Variants in BABAM2 observed in about 807,000 individuals in gnomAD.
The protein encoded by BABAM2 is BRISC and BRCA1-A complex member 2.
In BABAM2, 31 loss-of-function variants were observed where a neutral mutation model predicts 54.7. The ratio of observed to expected loss-of-function variants is 0.57; its 90% CI spans 0.43 to 0.77. The LOEUF is 0.77. Ranked by LOEUF, BABAM2 falls within the 30% of genes least tolerant of loss-of-function variation. BABAM2 has a pLI of 0.00. For missense variants in BABAM2, 364 were observed against 455.8 expected (o/e 0.80, Z 1.83); for synonymous variants, 167 against 162.9 (o/e 1.03, Z -0.19).
chr2:28,260,662 C>T (rs1412906568), intron 10 of BABAM2, among the ~76,000 whole-genome samples: 5 of 152,108 alleles, frequency 3.3e-5, no homozygotes, highest in South Asian at 2.1e-4. Flanking sequence ...TTTCCCTGTG[C>T]GTTCTAGAAT....
At chr2:27,990,498 C>T (rs1252380293) in intron 4 of BABAM2, among the ~76,000 whole-genome samples, 2 of 152,166 alleles carry the variant, frequency 1.3e-5, no homozygotes, top group South Asian at 2.1e-4. Context: ...ATACAAATTT[C>T]ATCACCCATG....
At chr2:28,008,232 A>G (rs891276729) in intron 4 of BABAM2, among the ~76,000 whole-genome samples, 8 of 152,180 alleles carry the variant, frequency 5.3e-5, no homozygotes, top group African/African-American at 1.9e-4. Flanking sequence ...TTAATTTTCA[A>G]TGACTGAGAA....
intron 3 of BABAM2, among the ~76,000 whole-genome samples, chr2:27,983,064 A>AT (rs1475106298): frequency 2.6e-5 from 4 of 151,810 alleles, no homozygotes; most frequent in Non-Finnish European, 5.9e-5. Flanking sequence ...TTAATTTTTA[A>AT]TTTTTTTGTG....
intron 6 of BABAM2, among the ~76,000 whole-genome samples, chr2:28,083,622 T>C (rs1478031329): frequency 3.3e-5 from 5 of 152,204 alleles, no homozygotes; most frequent in Non-Finnish European, 7.3e-5. Flanking sequence ...CTCTTATTTT[T>C]ACTGAACCGA....
At chr2:28,024,726 G>A (rs1358434233) in intron 4 of BABAM2, among the ~76,000 whole-genome samples, 4 of 152,024 alleles carry the variant, frequency 2.6e-5, no homozygotes, top group Admixed American at 6.6e-5. Flanking sequence ...AGGCCTAACC[G>A]TCACCATTGT....
chr2:28,231,785 CTTTTTTTTTTTTTTTTTTTTTTTTTTT>C (rs549515372), intron 7 of BABAM2, among the ~76,000 whole-genome samples: 4 of 57,654 alleles, frequency 6.9e-5, no homozygotes, highest in African/African-American at 1.3e-4. Flanking sequence ...AGAGAGATGT[CTTTTTTTTTTTTTTTTTTTTTTTTTTT>C]TTTTTTTTTT....
At chr2:28,255,163 C>T (rs1250557254) in intron 10 of BABAM2, among the ~76,000 whole-genome samples, 1 of 152,146 alleles carries the variant, frequency 6.6e-6, no homozygotes. Flanking sequence ...TTTTTTAGCA[C>T]TTGCTTTGTT....
intron 6 of BABAM2, among the ~76,000 whole-genome samples, chr2:28,063,818 T>G (rs72814407): frequency 1.3e-5 from 2 of 152,152 alleles, no homozygotes; most frequent in African/African-American, 4.8e-5. Context: ...CTGTCACTTA[T>G]GATCAAAAAA....
At chr2:28,252,280 C>T (rs528007595) in intron 10 of BABAM2, among the ~76,000 whole-genome samples, 25 of 151,608 alleles carry the variant, frequency 1.6e-4, no homozygotes, top group African/African-American at 5.1e-4. Flanking sequence ...AATATTGTTC[C>T]GAATGATAAA....
intron 11 of BABAM2, among the ~76,000 whole-genome samples, chr2:28,326,849 A>G (rs1252041949): frequency 6.6e-6 from 1 of 152,158 alleles, no homozygotes; most frequent in Non-Finnish European, 1.5e-5. Context: ...TGTCACAGGA[A>G]CCATCCTAAC....
chr2:27,952,367 G>C (rs1164636405), intron 3 of BABAM2, among the ~76,000 whole-genome samples: 1 of 152,124 alleles, frequency 6.6e-6, no homozygotes, highest in Non-Finnish European at 1.5e-5. Context: ...AGTTATCTTT[G>C]TATTTCAGAG....
At chr2:28,188,400 A>G (rs957040979) in intron 7 of BABAM2, among the ~76,000 whole-genome samples, 1 of 152,206 alleles carries the variant, frequency 6.6e-6, no homozygotes, top group African/African-American at 2.4e-5. Flanking sequence ...GGACTTGAAA[A>G]CAAGTTGGTT....
chr2:28,015,278 AGGTAAATAAAGGTATACAAGG>A (rs1674716529), intron 4 of BABAM2, among the ~76,000 whole-genome samples: 1 of 152,230 alleles, frequency 6.6e-6, no homozygotes, highest in African/African-American at 2.4e-5. Context: ...CTCCTTCCCC[AGGTAAATAAAGGTATACAAGG>A]GGAAAAATTA....
chr2:28,050,543 G>T (rs1166397761), intron 6 of BABAM2, among the ~76,000 whole-genome samples: 2 of 152,146 alleles, frequency 1.3e-5, no homozygotes, highest in Non-Finnish European at 2.9e-5. Flanking sequence ...GCGGTACTGT[G>T]CAGAACACCT....
At chr2:28,032,780 T>C (rs1676394075) in intron 5 of BABAM2, among the ~76,000 whole-genome samples, 1 of 152,154 alleles carries the variant, frequency 6.6e-6, no homozygotes, top group Non-Finnish European at 1.5e-5. Flanking sequence ...CTCGGAGTCA[T>C]TTTTTAAAAG....
chr2:28,296,683 TTTTTATTTATTTA>T, intron 10 of BABAM2, among the ~76,000 whole-genome samples: 1 of 152,220 alleles, frequency 6.6e-6, no homozygotes, highest in East Asian at 1.9e-4. Flanking sequence ...CTAGCATGTA[TTTTTATTTATTTA>T]TTTATTTTTA....
At chr2:28,297,220 CAT>C (rs1220508253) in intron 10 of BABAM2, among the ~76,000 whole-genome samples, 2 of 152,140 alleles carry the variant, frequency 1.3e-5, no homozygotes, top group African/African-American at 2.4e-5. Context: ...CTGACTATGA[CAT>C]GAGCAAGTTA....
chr2:27,937,500 T>C (rs908961474), intron 3 of BABAM2, among the ~76,000 whole-genome samples: 5 of 152,234 alleles, frequency 3.3e-5, no homozygotes, highest in African/African-American at 1.2e-4. Context: ...GAGCTGACTG[T>C]AGCCATTGTG....
intron 11 of BABAM2, among the ~76,000 whole-genome samples, chr2:28,337,561 G>A (rs936834180): frequency 1.3e-5 from 2 of 152,226 alleles, no homozygotes; most frequent in African/African-American, 2.4e-5. Context: ...AAGGCCAAAC[G>A]GGCTGCCCCC....
Sources: allele counts gnomAD v4.1 joint callset (sites outside exome capture counted in the v4.1 genomes callset), GRCh38; gene constraint gnomAD v4.1.1; transcripts MANE v1.5; gene names NCBI Gene and HGNC (gene_info 2026-07-23, HGNC 2026-07-21).